SGCZ: variants seen among roughly 807,000 people sequenced by gnomAD.
SGCZ encodes the protein zeta-sarcoglycan.
A neutral mutation model predicts 41.3 loss-of-function variants in SGCZ; 40 were observed. That is an observed-to-expected ratio of 0.97 (90% CI 0.75 to 1.26). SGCZ has a LOEUF of 1.26. SGCZ is among the 50% of genes most tolerant of loss of function. The pLI is 0.00. For synonymous variants in SGCZ, 206 were observed against 137.5 expected, an observed-to-expected ratio of 1.50 and a Z score of -3.49; for missense variants, 552 against 369.8, an observed-to-expected ratio of 1.49 and a Z score of -4.04.
intron 7 of SGCZ, among the ~76,000 whole-genome samples, chr8:14,093,112 C>T (rs1343643840): frequency 6.6e-6 from 1 of 151,952 alleles, no homozygotes; most frequent in Non-Finnish European, 1.5e-5. Flanking sequence ...TTCTTGTTTC[C>T]ACTGATATAT....
At chr8:14,648,233 G>A (rs80041547) in intron 1 of SGCZ, among the ~76,000 whole-genome samples, 16,582 of 152,078 alleles carry the variant, frequency 0.11, 1,091 homozygotes, top group African/African-American at 0.19. Flanking sequence ...AAAACAGATA[G>A]GGTTAGTACT....
Position 14,188,763 on chromosome 8 carries a change from C to A in SGCZ, c.425-24061G>T, listed in dbSNP as rs187828926. ...CATTGATTCATCCTTCAACACATATCCAAAATAATAATCCCACTTTTTCCA... is the reference window on the plus strand; with the variant it reads ...CATTGATTCATCCTTCAACACATATACAAAATAATAATCCCACTTTTTCCA... On this transcript the variant is annotated intron_variant, in intron 4 of 7. Coordinates refer to ENST00000382080, the MANE Select transcript of SGCZ (RefSeq NM_139167.4). Among the ~76,000 whole-genome samples the A allele has an allele frequency of 9.2e-5, 14 of 151,768 alleles. No individual in the cohort carries two copies. The East Asian group carries it at 2.5e-3, about 27-fold the overall frequency.
At chr8:14,793,365 G>C (rs138603964) in intron 1 of SGCZ, among the ~76,000 whole-genome samples, 2 of 152,130 alleles carry the variant, frequency 1.3e-5, no homozygotes, top group Non-Finnish European at 2.9e-5. Context: ...TGCAACCCTT[G>C]AGCTACTGCA....
chr8:14,360,590 T>C (rs1289554465), intron 2 of SGCZ, among the ~76,000 whole-genome samples: 1 of 152,126 alleles, frequency 6.6e-6, no homozygotes, highest in Non-Finnish European at 1.5e-5. Flanking sequence ...CCTCCAAAAG[T>C]GCTGGGATTA....
intron 4 of SGCZ, among the ~76,000 whole-genome samples, chr8:14,231,759 A>G (rs1476750712): frequency 3.3e-5 from 5 of 152,204 alleles, no homozygotes; most frequent in Non-Finnish European, 7.3e-5. Flanking sequence ...TCCCTATTAA[A>G]CAAAATGTAC....
At chr8:14,969,381 T>C (rs939194167) in intron 1 of SGCZ, among the ~76,000 whole-genome samples, 1 of 152,142 alleles carries the variant, frequency 6.6e-6, no homozygotes, top group Non-Finnish European at 1.5e-5. Flanking sequence ...TTGTAATTGA[T>C]ATAAACAAAC....
intron 1 of SGCZ, among the ~76,000 whole-genome samples, chr8:15,185,581 G>C (rs1800308312): frequency 6.6e-6 from 1 of 152,038 alleles, no homozygotes; most frequent in Non-Finnish European, 1.5e-5. Flanking sequence ...ACTTCTTCAA[G>C]AAGGGCAAAT....
chr8:14,373,519 A>C (rs77033912), intron 2 of SGCZ, among the ~76,000 whole-genome samples: 5,250 of 152,214 alleles, frequency 0.034, 238 homozygotes, highest in African/African-American at 0.11. Flanking sequence ...GTCTCTACAA[A>C]ATTATTAGGT....
intron 2 of SGCZ, among the ~76,000 whole-genome samples, chr8:14,351,682 G>T (rs1803100811): frequency 6.6e-6 from 1 of 151,828 alleles, no homozygotes; most frequent in African/African-American, 2.4e-5. Context: ...AAGAATTTTA[G>T]ATTACTTTTA....
chr8:14,350,092 G>T (rs146832137), intron 2 of SGCZ, among the ~76,000 whole-genome samples: 1 of 151,970 alleles, frequency 6.6e-6, no homozygotes, highest in African/African-American at 2.4e-5. Context: ...AAATCCCCTC[G>T]TGACTTGGAA....
intron 2 of SGCZ, among the ~76,000 whole-genome samples, chr8:14,332,174 G>A (rs1297287828): frequency 6.6e-6 from 1 of 152,084 alleles, no homozygotes; most frequent in Non-Finnish European, 1.5e-5. Context: ...AGTGGCTCAC[G>A]CCTGTAATCC....
At position 15,097,887 on chromosome 8, in the gene SGCZ, TGTATATATATATATATATATATAC is replaced by T. The variant is rs1447546460; in HGVS notation, c.39+139674_39+139697del. Among the ~76,000 whole-genome samples the T allele has an allele frequency of 3.5e-4, 6 of 17,252 alleles. 1 individual carries two copies. Among genetic ancestry groups the T allele is most frequent in the Admixed American group, 9.3e-4 (1 of 1,072 alleles). 11.3% of individuals were successfully genotyped at this position (17,252 alleles called of 152,430 possible). A position where few individuals can be genotyped will look rare whatever the true frequency, so the allele number is the denominator to read the frequency against. On this transcript the variant is annotated intron_variant, in intron 1 of 7. Transcript: ENST00000382080. ...GTGTGTATATATATATATATACGTG[TGTATATATATATATATATATATAC>T]GTGTGTATATATATATATATACATA...
intron 2 of SGCZ, among the ~76,000 whole-genome samples, chr8:14,411,712 A>T (rs7460217): frequency 0.45 from 68,702 of 151,896 alleles, 16,898 homozygotes; most frequent in African/African-American, 0.66. Context: ...AAATACTATT[A>T]TAATATTAGT....
chr8:14,388,250 A>G (rs1299838176), intron 2 of SGCZ, among the ~76,000 whole-genome samples: 2 of 152,140 alleles, frequency 1.3e-5, no homozygotes, highest in South Asian at 2.1e-4. Context: ...CAAAGACAAA[A>G]TTTCAAAAAT....
intron 1 of SGCZ, among the ~76,000 whole-genome samples, chr8:14,869,535 AG>A (rs1255978933): frequency 2.0e-5 from 3 of 152,160 alleles, no homozygotes; most frequent in Admixed American, 2.0e-4. Context: ...ACACAAGACA[AG>A]GACGCCCTCT....
At chr8:14,142,244 CA>C (rs1803394336) in intron 5 of SGCZ, among the ~76,000 whole-genome samples, 2 of 151,914 alleles carry the variant, frequency 1.3e-5, no homozygotes, top group African/African-American at 4.8e-5. Flanking sequence ...TGCAGCACAC[CA>C]ACATGGCACA....
At chr8:15,203,258 T>C (rs1232271833) in intron 1 of SGCZ, among the ~76,000 whole-genome samples, 5 of 152,244 alleles carry the variant, frequency 3.3e-5, no homozygotes, top group Non-Finnish European at 7.3e-5. Context: ...TAAATTTAAA[T>C]GTAAATCTAT....
At chr8:14,283,455 T>A (rs1018146460) in intron 3 of SGCZ, among the ~76,000 whole-genome samples, 2 of 151,974 alleles carry the variant, frequency 1.3e-5, no homozygotes, top group Non-Finnish European at 2.9e-5. Context: ...AAAAATGTCA[T>A]TATCCGTATG....
chr8:14,146,378 CCAGA>C (rs1281328205), intron 5 of SGCZ, among the ~76,000 whole-genome samples: 1 of 152,042 alleles, frequency 6.6e-6, no homozygotes, highest in Non-Finnish European at 1.5e-5. Flanking sequence ...AAAAACTTCC[CCAGA>C]CAAACTAAAG....
Sources: allele counts gnomAD v4.1 joint callset (sites outside exome capture counted in the v4.1 genomes callset), GRCh38; gene constraint gnomAD v4.1.1; transcripts MANE v1.5; gene names NCBI Gene and HGNC (gene_info 2026-07-23, HGNC 2026-07-21).